Variants in PPFIBP2 observed in about 807,000 individuals in gnomAD.
PPFIBP2 encodes PPFIB scaffold protein 2.
In PPFIBP2, 118 loss-of-function variants were observed where a neutral mutation model predicts 118.3. The ratio of observed to expected loss-of-function variants is 1.00; its 90% confidence interval spans 0.86 to 1.16. The LOEUF is 1.16. PPFIBP2 is among the 50% of genes most tolerant of loss of function. The pLI is 0.00. For synonymous variants in PPFIBP2, 414 were observed against 397.4 expected, an observed-to-expected ratio of 1.04 and a Z score of -0.50; for missense variants, 1,195 against 1,073.1, an observed-to-expected ratio of 1.11 and a Z score of -1.59.
intron 7 of PPFIBP2, among the ~76,000 whole-genome samples, chr11:7,623,197 A>G (rs1394839360): frequency 6.8e-6 from 1 of 147,606 alleles, no homozygotes; most frequent in Non-Finnish European, 1.5e-5. Flanking sequence ...GAAGTTTTTC[A>G]CTTTTCTGCT....
At chr11:7,555,164 G>A (rs898412187) in intron 2 of PPFIBP2, among the ~76,000 whole-genome samples, 1 of 152,110 alleles carries the variant, frequency 6.6e-6, no homozygotes. Context: ...ACTTTGTCAG[G>A]CCACTTCTGG....
chr11:7,593,768 T>C (rs1859785318), intron 4 of PPFIBP2, among the ~76,000 whole-genome samples: 1 of 152,142 alleles, frequency 6.6e-6, no homozygotes, highest in South Asian at 2.1e-4. Flanking sequence ...CCAAAACCTT[T>C]TACGGAGAAA....
intron 3 of PPFIBP2, among the ~76,000 whole-genome samples, chr11:7,592,009 G>T (rs1468435973): frequency 6.6e-6 from 1 of 152,130 alleles, no homozygotes; most frequent in African/African-American, 2.4e-5. Context: ...CCCAACTCTG[G>T]GTCTCTCACA....
rs910133773 is a variant in PPFIBP2 at position 7,650,940 on chromosome 11, G to C, written c.2222G>C (p.Gly741Ala). Reference protein sequence around the residue: ...DLAEYAPNLRGSGVHGGLIIL... With the variant: ...DLAEYAPNLRASGVHGGLIIL... ...GCAGAGTATGCACCCAATCTTCGAGGGAGTGGAGTCCATGGAGGCCTCATT... is the reference window on the plus strand; with the variant it reads ...GCAGAGTATGCACCCAATCTTCGAGCGAGTGGAGTCCATGGAGGCCTCATT... Residue 741 changes from glycine to alanine, a missense_variant, in exon 22 of 24, where the codon GGG becomes GCG. Coordinates refer to ENST00000299492, the MANE Select transcript of PPFIBP2 (RefSeq NM_003621.5). The C allele has an allele frequency of 1.9e-6, 3 of 1,613,892 alleles. No homozygotes were observed. Among genetic ancestry groups the C allele is most frequent in the Non-Finnish European group, 2.5e-6 (3 of 1,179,836 alleles).
rs150147708 is a variant in PPFIBP2 at position 7,634,532 on chromosome 11, A to G, written c.1174A>G (p.Arg392Gly). The G allele has an allele frequency of 4.5e-5, 73 of 1,613,540 alleles. No homozygotes were observed. Among genetic ancestry groups the G allele is most frequent in the Non-Finnish European group, 6.0e-5 (71 of 1,179,490 alleles). Residue 392 changes from arginine (R) to glycine (G), a missense_variant, in exon 13 of 24, where the codon AGA becomes GGA. Coordinates refer to ENST00000299492, the MANE Select transcript of PPFIBP2 (RefSeq NM_003621.5). ...KKLSCSLEDLRSESVDKCMDG... is the reference protein window; with the variant it reads ...KKLSCSLEDLGSESVDKCMDG... ...GCTCTCTTGTAGTCTAGAAGACTTG[A>G]GAAGTGAATCTGTGGATAAGGTCGG...
chr11:7,600,332 G>A (rs1861207685), intron 5 of PPFIBP2, among the ~76,000 whole-genome samples: 1 of 152,226 alleles, frequency 6.6e-6, no homozygotes, highest in Non-Finnish European at 1.5e-5. Context: ...GGCCGCACAT[G>A]CTATTGCTTT....
chr11:7,582,790 G>A (rs1283132614), intron 3 of PPFIBP2, among the ~76,000 whole-genome samples: 5 of 151,170 alleles, frequency 3.3e-5, no homozygotes, highest in African/African-American at 4.9e-5. Flanking sequence ...AAATGTAACT[G>A]TATTTCAGCA....
At chr11:7,641,130 C>T (rs10839829) in intron 15 of PPFIBP2, 166,684 of 1,201,984 alleles carry the variant, frequency 0.14, 12,850 homozygotes, top group East Asian at 0.43. Flanking sequence ...CCTAACCCTC[C>T]CCTTCACCAG....
intron 22 of PPFIBP2, 122 bp downstream of exon 22, chr11:7,651,087 G>A (rs1853930189): frequency 6.6e-6 from 7 of 1,060,304 alleles, no homozygotes; most frequent in Non-Finnish European, 9.5e-6. Context: ...TGGAGGTCTT[G>A]CATAATTTGA....
At chr11:7,665,372 T>C in the PPFIBP2 span, 1 of 1,447,284 alleles carries the variant, frequency 6.9e-7, no homozygotes. Context: ...CACGTGGAGG[T>C]GTTAGTAGGT....
At chr11:7,577,315 A>ATGTGCATGTATGTGCGTGTGTG (rs1856494112) in intron 3 of PPFIBP2, 1 of 216,870 alleles carries the variant, frequency 4.6e-6, no homozygotes, top group African/African-American at 2.8e-5. Context: ...GCGTGCATGT[A>ATGTGCATGTATGTGCGTGTGTG]TGTGCGTGTG....
intron 4 of PPFIBP2, among the ~76,000 whole-genome samples, chr11:7,595,042 A>G (rs2135281877): frequency 6.6e-6 from 1 of 152,316 alleles, no homozygotes; most frequent in South Asian, 2.1e-4. Flanking sequence ...GTGTAGTAAA[A>G]GGAAGATCTC....
downstream of PPFIBP2, among the ~76,000 whole-genome samples, chr11:7,659,755 C>T (rs1166997164): frequency 1.9e-4 from 17 of 89,442 alleles, 2 homozygotes; most frequent in East Asian, 6.6e-4. Flanking sequence ...GCCATTTTGA[C>T]GATATTGATT....
chr11:7,564,573 A>T (rs940540621), intron 2 of PPFIBP2, among the ~76,000 whole-genome samples: 1 of 152,250 alleles, frequency 6.6e-6, no homozygotes, highest in Non-Finnish European at 1.5e-5. Context: ...GGATAAGCCA[A>T]CCCAAACATA....
chr11:7,653,882 T>C (rs1590834611), downstream of PPFIBP2: 1 of 979,512 alleles, frequency 1.0e-6, no homozygotes, highest in East Asian at 6.6e-5. Flanking sequence ...GCCAGGTGCA[T>C]GCTCAGGATT....
rs377673554 is a variant in PPFIBP2, at chr11:7,648,549, G to A, written c.1797+12G>A. ...AGGACATGGAAAAGGTAAGGGCTCA[G>A]CTTGGGGAGAGGAGGCTCCCATTTC... On this transcript the variant is annotated intron_variant, in intron 18 of 23. Coordinates refer to ENST00000299492, the MANE Select transcript of PPFIBP2 (RefSeq NM_003621.5). 14 of 1,612,864 alleles carry A rather than the reference G, an allele frequency of 8.7e-6. No individual in the cohort carries two copies. In the African/African-American group the frequency reaches 1.7e-4, roughly 20 times the overall value.
intron 1 of PPFIBP2, among the ~76,000 whole-genome samples, chr11:7,518,626 G>A (rs1410587934): frequency 6.6e-6 from 1 of 152,038 alleles, no homozygotes. Flanking sequence ...GTGGAAGAGG[G>A]GATAACGTAG....
intron 1 of PPFIBP2, among the ~76,000 whole-genome samples, chr11:7,533,050 TTGC>T: frequency 1.3e-5 from 2 of 150,702 alleles, no homozygotes; most frequent in Non-Finnish European, 3.0e-5. Flanking sequence ...TTTGTTGTTG[TTGC>T]TTAGCATTCT....
At chr11:7,564,746 G>T (rs1475086869) in intron 2 of PPFIBP2, among the ~76,000 whole-genome samples, 2 of 152,210 alleles carry the variant, frequency 1.3e-5, no homozygotes, top group African/African-American at 4.8e-5. Context: ...AGCTGGGAGG[G>T]CCAAGAAAGG....
Sources: gnomAD v4.1 joint callset for allele counts (sites outside exome capture counted in the v4.1 genomes callset) on GRCh38, gnomAD v4.1.1 for gene constraint, MANE v1.5 for transcripts, NCBI Gene and HGNC (gene_info 2026-07-23, HGNC 2026-07-21) for gene names.